Variants in ALDH1A1 observed in about 807,000 individuals in gnomAD.
The protein encoded by ALDH1A1 is aldehyde dehydrogenase 1 family member A1.
A neutral mutation model predicts 62.1 loss-of-function variants in ALDH1A1; 19 were observed. The observed-to-expected ratio is 0.31, with a 90% confidence interval of 0.21 to 0.45. The LOEUF is 0.45. Ranked by LOEUF, ALDH1A1 falls within the 20% of genes least tolerant of loss-of-function variation. The probability of loss-of-function intolerance (pLI) is 1.00; values close to 1 mark genes in which losing one functional copy is unlikely to be tolerated. For missense variants in ALDH1A1, 521 were observed against 607.1 expected (o/e 0.86, Z 1.49); for synonymous variants, 231 against 215.9 (o/e 1.07, Z -0.61).
At chr9:72,913,686 T>C (rs1830020876) in intron 9 of ALDH1A1, among the ~76,000 whole-genome samples, 1 of 152,206 alleles carries the variant, frequency 6.6e-6, no homozygotes, top group African/African-American at 2.4e-5. Context: ...GCCTTATTTG[T>C]TGGAAAACTT....
rs372689208 is a variant in ALDH1A1 at position 72,925,471 on chromosome 9, T to G, written c.633+13A>C. On this transcript the variant is annotated intron_variant, in intron 6 of 12. Coordinates refer to ENST00000297785, the MANE Select transcript of ALDH1A1 (RefSeq NM_000689.5). ...TTGAGTTCTTGAGCATATTTTGATT[T>G]CGGGAGACTTACCTCTTTTATTAAA... 1.6e-5 allele frequency: 26 copies of G among 1,610,758 alleles called. No individual in the cohort carries two copies. Among genetic ancestry groups the G allele is most frequent in the African/African-American group, 1.2e-4 (9 of 74,666 alleles).
chr9:72,942,243 CAGCTT>C, intron 1 of ALDH1A1: 2 of 938,430 alleles, frequency 2.1e-6, no homozygotes, highest in Non-Finnish European at 2.5e-6. Context: ...TATGCCCTTA[CAGCTT>C]AGTATTTTTC....
chr9:72,946,687 A>G (rs974840965), intron 1 of ALDH1A1, among the ~76,000 whole-genome samples: 1 of 151,982 alleles, frequency 6.6e-6, no homozygotes, highest in Non-Finnish European at 1.5e-5. Context: ...TTGTAAACAT[A>G]TAATATATCC....
rs5898281 is a variant in ALDH1A1 at position 72,909,155 on chromosome 9, C to CTTTTT, written c.1358+442_1358+446dup. Reference sequence around the variant, plus strand: ...CCTCCCTAAAGTTCTTCCAATACAGCTTTTTTTTTTTTTTTTTTTTTTTGA... The same window carrying CTTTTT: ...CCTCCCTAAAGTTCTTCCAATACAGCTTTTTTTTTTTTTTTTTTTTTTTTTTTTGA... On this transcript the variant is annotated intron_variant, in intron 11 of 12. Coordinates refer to ENST00000297785, the MANE Select transcript of ALDH1A1 (RefSeq NM_000689.5). 1.8e-3 allele frequency among the ~76,000 whole-genome samples: 133 copies of CTTTTT among 75,548 alleles called. 3 individuals carry two copies. Among genetic ancestry groups the CTTTTT allele is most frequent in the South Asian group, 5.9e-3 (9 of 1,530 alleles). 49.6% of individuals were successfully genotyped at this position (75,548 alleles called of 152,430 possible).
At chr9:72,951,009 G>A (rs1830538135) in intron 1 of ALDH1A1, among the ~76,000 whole-genome samples, 1 of 151,858 alleles carries the variant, frequency 6.6e-6, no homozygotes, top group African/African-American at 2.4e-5. Context: ...GTGTGAAAAC[G>A]CTGTAACCAA....
At chr9:72,943,978 A>C (rs1830445791) in intron 1 of ALDH1A1, among the ~76,000 whole-genome samples, 1 of 152,028 alleles carries the variant, frequency 6.6e-6, no homozygotes, top group Non-Finnish European at 1.5e-5. Flanking sequence ...GGAGGGACAA[A>C]TCTTTGGAGG....
rs185575721 is a variant in ALDH1A1, at chr9:72,909,606, C to G, written c.1354G>C (p.Val452Leu). The change falls in exon 11 of 13, where the codon GTG becomes CTG. Residue 452 changes from valine to leucine, a missense_variant. Physicochemically the swap from Val to Leu is conservative, Grantham distance 32 (BLOSUM62 1). Coordinates refer to ENST00000297785, the MANE Select transcript of ALDH1A1 (RefSeq NM_000689.5). ...TISSALQAGT[V>L]WVNCYGVVSA... ...CATTCCTTAGGTTGGACTTACCACA[C>G]TGTTCCTGCCTGCAGAGCAGAGGAG... 2 of 1,610,850 alleles carry G rather than the reference C, an allele frequency of 1.2e-6. No individual in the cohort carries two copies. Among genetic ancestry groups the G allele is most frequent in the Non-Finnish European group, 1.7e-6 (2 of 1,178,764 alleles).
chr9:72,942,395 C>CAT (rs1830425072), intron 1 of ALDH1A1: 2 of 983,618 alleles, frequency 2.0e-6, no homozygotes, highest in South Asian at 4.7e-5. Context: ...CTATCTCTCA[C>CAT]ACACTTTCCT....
chr9:72,952,192 G>A (rs2118590814), intron 1 of ALDH1A1, among the ~76,000 whole-genome samples: 1 of 151,998 alleles, frequency 6.6e-6, no homozygotes, highest in Admixed American at 6.6e-5. Flanking sequence ...GGAGTTCTAG[G>A]ATCTGACAGG....
rs1830175760 is a variant in ALDH1A1, at chr9:72,924,090, C to T, written c.676G>A (p.Gly226Arg). 2 of 1,612,934 alleles carry T rather than the reference C, an allele frequency of 1.2e-6. No homozygotes were observed. Among genetic ancestry groups the T allele is most frequent in the Non-Finnish European group, 1.7e-6 (2 of 1,179,434 alleles). ...GAAATGGCTGCCCCTGCTGTAGGCC[C>T]ATAACCAGGAACAATATTCACTACT... ...PGVVNIVPGY[G>R]PTAGAAISSH... The change falls in exon 7 of 13, where the codon GGG (glycine) becomes AGG (arginine). Residue 226 changes from glycine to arginine, a missense_variant. Transcript: ENST00000297785.
In ALDH1A1 at chr9:72,944,705, C is replaced by A. The variant is rs983396170; in HGVS notation, c.67-4453G>T. ...TTTTCCATTTGTTTTTTGCCTTTAGCCAGCTTAGAGGAAAAGAGATGATAC... is the reference window on the plus strand; with the variant it reads ...TTTTCCATTTGTTTTTTGCCTTTAGACAGCTTAGAGGAAAAGAGATGATAC... On this transcript the variant is annotated intron_variant, in intron 1 of 12. Transcript: ENST00000297785. Among the ~76,000 whole-genome samples the A allele has an allele frequency of 1.9e-4, 29 of 151,960 alleles. No homozygotes were observed. In the East Asian group the frequency reaches 5.6e-3, roughly 29 times the overall value.
At chr9:72,919,352 T>A (rs1418114629) in intron 7 of ALDH1A1, among the ~76,000 whole-genome samples, 2 of 152,134 alleles carry the variant, frequency 1.3e-5, no homozygotes, top group African/African-American at 2.4e-5. Flanking sequence ...ATTCACTACC[T>A]CTTGAATCTC....
chr9:72,925,698 G>T (rs1830196526), intron 5 of ALDH1A1, 86 bp from the exon 6 acceptor site: 3 of 1,417,264 alleles, frequency 2.1e-6, no homozygotes, highest in Non-Finnish European at 2.9e-6. Context: ...ACCCCCTGTA[G>T]ATGTTATGTA....
At chr9:72,924,233 G>T in intron 6 of ALDH1A1, 101 bp from the exon 7 acceptor site, 1 of 719,398 alleles carries the variant, frequency 1.4e-6, no homozygotes, top group Non-Finnish European at 2.3e-6. Flanking sequence ...CTTATGAGAT[G>T]CTCTAGAAAA....
chr9:72,913,491 A>G (rs1830017483), intron 9 of ALDH1A1, among the ~76,000 whole-genome samples: 1 of 152,188 alleles, frequency 6.6e-6, no homozygotes, highest in African/African-American at 2.4e-5. Flanking sequence ...TCAAGGGTCC[A>G]TGTCACTCCA....
intron 4 of ALDH1A1, among the ~76,000 whole-genome samples, chr9:72,927,385 C>T (rs1190852286): frequency 6.6e-6 from 1 of 152,120 alleles, no homozygotes; most frequent in African/African-American, 2.4e-5. Flanking sequence ...ATCTATATCT[C>T]CAACTATTCC....
chr9:72,949,507 C>T (rs1830512794), intron 1 of ALDH1A1, among the ~76,000 whole-genome samples: 2 of 151,892 alleles, frequency 1.3e-5, no homozygotes, highest in African/African-American at 4.8e-5. Context: ...CATAGCCGCT[C>T]TGTTCCTCAG....
chr9:72,917,779 T>C (rs1345444078), intron 8 of ALDH1A1, among the ~76,000 whole-genome samples: 1 of 152,182 alleles, frequency 6.6e-6, no homozygotes, highest in African/African-American at 2.4e-5. Flanking sequence ...CTTAGTAGAC[T>C]CTAAACAAGA....
At chr9:72,945,119 A>G (rs1399483928) in intron 1 of ALDH1A1, among the ~76,000 whole-genome samples, 6 of 152,114 alleles carry the variant, frequency 3.9e-5, no homozygotes, top group Non-Finnish European at 8.8e-5. Context: ...TTATGTCTTA[A>G]TGTATTGTGT....
Sources: gnomAD v4.1 joint callset for allele counts (sites outside exome capture counted in the v4.1 genomes callset) on GRCh38, gnomAD v4.1.1 for gene constraint, MANE v1.5 for transcripts, NCBI Gene and HGNC (gene_info 2026-07-23, HGNC 2026-07-21) for gene names.